The following HDAC1 variants were observed in gnomAD, a reference collection of about 807,000 sequenced individuals.
HDAC1 encodes the protein histone deacetylase 1, also known as protein deacetylase HDAC1.
A neutral mutation model predicts 65.5 loss-of-function variants in HDAC1; 18 were observed. That is an observed-to-expected ratio of 0.27 (90% confidence interval 0.19 to 0.41). The LOEUF (loss-of-function observed/expected upper bound fraction) is 0.41, where lower values mean the gene tolerates loss of function less well. HDAC1 is among the 10% of genes least tolerant of loss of function. The pLI, the probability that HDAC1 is intolerant of heterozygous loss-of-function variation, is 1.00. For missense variants in HDAC1, 373 were observed against 625.2 expected, an observed-to-expected ratio of 0.60 and a Z score of 4.30; for synonymous variants, 211 against 227.9, an observed-to-expected ratio of 0.93 and a Z score of 0.67.
In HDAC1 at chr1:32,327,118, G is replaced by C. The variant is rs537983690; in HGVS notation, c.494+41G>C. The C allele has an allele frequency of 8.7e-6, 14 of 1,605,286 alleles. No individual in the cohort carries two copies. In the South Asian group the frequency reaches 1.3e-4, roughly 15 times the overall value. On this transcript the variant is annotated intron_variant, in intron 5 of 13. Coordinates refer to ENST00000373548, the MANE Select transcript of HDAC1 (RefSeq NM_004964.3). The surrounding 1 kb of genome is among the most constrained non-coding windows in gnomAD (Gnocchi z 6.0). ...CTTGTCTCTTGGAAGAGCACCTTAG[G>C]CCAGGTTCCCATTTCCCTCTTCCCC...
intron 3 of HDAC1, among the ~76,000 whole-genome samples, chr1:32,317,546 G>A (rs552791349): frequency 2.0e-5 from 3 of 152,204 alleles, no homozygotes; most frequent in Admixed American, 6.5e-5. Context: ...TGCGGCACTT[G>A]TTTGTTGCTG....
rs1483594316 is a variant in HDAC1, at chr1:32,328,631, A to T, written c.637-437A>T. Among the ~76,000 whole-genome samples, 3 of 152,148 alleles carry T rather than the reference A, an allele frequency of 2.0e-5. 1 individual carries two copies. The highest frequency in any genetic ancestry group is 7.2e-5 in the African/African-American group (3 of 41,420). On this transcript the variant is annotated intron_variant, in intron 6 of 13. Coordinates refer to ENST00000373548, the MANE Select transcript of HDAC1 (RefSeq NM_004964.3). ...CACTATTTTGAGGTTACTGGGAAGG[A>T]CTTTCTTACCTCTCTCCTTCCCTCC...
chr1:32,315,412 G>C (rs896615342), intron 2 of HDAC1, among the ~76,000 whole-genome samples: 1 of 151,482 alleles, frequency 6.6e-6, no homozygotes, highest in African/African-American at 2.4e-5. Flanking sequence ...GAGTGCAGTG[G>C]CACAATCTCA....
At chr1:32,308,058 G>T (rs1342895073) in intron 2 of HDAC1, among the ~76,000 whole-genome samples, 2 of 152,216 alleles carry the variant, frequency 1.3e-5, no homozygotes, top group Non-Finnish European at 1.5e-5. Context: ...AGTGGCTCAC[G>T]CCTGTAATCC....
At chr1:32,326,643 A>T (rs1351339800) in intron 4 of HDAC1, among the ~76,000 whole-genome samples, 1 of 151,736 alleles carries the variant, frequency 6.6e-6, no homozygotes, top group Non-Finnish European at 1.5e-5. Flanking sequence ...TTTCTATGCT[A>T]TTTCATTAAA....
chr1:32,327,180 T>G lies in HDAC1; in HGVS notation c.494+103T>G, dbSNP rs1391833850. ...CCCTAGTTTGCTTTTCCTACCGATG[T>G]GCTGGCTAGGATGTGCTCGGTGAGT... On this transcript the variant is annotated intron_variant, in intron 5 of 13. Transcript: ENST00000373548. This position sits in a 1 kb window ranked among gnomAD's most constrained non-coding sequence, Gnocchi z 6.0. The G allele has an allele frequency of 4.2e-5, 51 of 1,205,168 alleles. No homozygotes were observed. Among genetic ancestry groups the G allele is most frequent in the Non-Finnish European group, 6.1e-5 (51 of 835,392 alleles). 74.7% of individuals were successfully genotyped at this position (1,205,168 alleles called of 1,614,324 possible).
chr1:32,317,072 C>A (rs896147566), intron 3 of HDAC1, among the ~76,000 whole-genome samples: 1 of 152,204 alleles, frequency 6.6e-6, no homozygotes, highest in African/African-American at 2.4e-5. Flanking sequence ...ACAATAGATA[C>A]AGTAAAATTT....
chr1:32,292,534 G>C, intron 1 of HDAC1: 1 of 630,850 alleles, frequency 1.6e-6, no homozygotes, highest in East Asian at 1.4e-4. Flanking sequence ...GGCTGAATCT[G>C]ATGGAGACGG....
intron 1 of HDAC1, among the ~76,000 whole-genome samples, chr1:32,298,676 T>C (rs1640805627): frequency 6.6e-6 from 1 of 152,204 alleles, no homozygotes; most frequent in Non-Finnish European, 1.5e-5. Flanking sequence ...GTTCCTATTA[T>C]GAGAACAATG....
intron 1 of HDAC1, among the ~76,000 whole-genome samples, chr1:32,297,775 T>TC: frequency 8.3e-6 from 1 of 120,646 alleles, no homozygotes; most frequent in Non-Finnish European, 1.7e-5. Flanking sequence ...TACGCCTGGC[T>TC]AATTTTTTTT....
At chr1:32,319,634 C>T (rs1641112879) in intron 3 of HDAC1, among the ~76,000 whole-genome samples, 1 of 152,034 alleles carries the variant, frequency 6.6e-6, no homozygotes, top group African/African-American at 2.4e-5. Flanking sequence ...TGGTAGCATG[C>T]ACCTGTAATG....
chr1:32,317,369 G>A (rs1237452370), intron 3 of HDAC1, among the ~76,000 whole-genome samples: 1 of 150,950 alleles, frequency 6.6e-6, no homozygotes, highest in Non-Finnish European at 1.5e-5. Context: ...CTGTGAGGGG[G>A]AAAAAAAAAG....
At chr1:32,304,867 CTT>C (rs1272028535) in intron 2 of HDAC1, among the ~76,000 whole-genome samples, 2 of 152,138 alleles carry the variant, frequency 1.3e-5, no homozygotes, top group East Asian at 3.9e-4. Context: ...CCCAGCCTCT[CTT>C]GGCTAATTCA....
chr1:32,301,166 G>C (rs1047659545), intron 1 of HDAC1, among the ~76,000 whole-genome samples: 2 of 151,952 alleles, frequency 1.3e-5, no homozygotes, highest in South Asian at 4.1e-4. Context: ...AAAGTCCTTG[G>C]CCGGGCGCGG....
chr1:32,306,639 A>G (rs543751605), intron 2 of HDAC1, among the ~76,000 whole-genome samples: 1 of 152,162 alleles, frequency 6.6e-6, no homozygotes, highest in East Asian at 1.9e-4. Context: ...CTAATTCACC[A>G]AGGTCTATGT....
chr1:32,296,658 C>T (rs573558598), intron 1 of HDAC1, among the ~76,000 whole-genome samples: 2 of 152,326 alleles, frequency 1.3e-5, no homozygotes, highest in African/African-American at 2.4e-5. Flanking sequence ...GGTTTACAGG[C>T]GTGAGCCATC....
Position 32,330,680 on chromosome 1 carries a change from A to G in HDAC1, c.832A>G (p.Ile278Val). The change falls in exon 8 of 14, where the codon ATC (isoleucine) becomes GTC (valine). Residue 278 changes from isoleucine (I) to valine (V), a missense_variant. Coordinates refer to ENST00000373548, the MANE Select transcript of HDAC1 (RefSeq NM_004964.3). This position sits in a 1 kb window ranked among gnomAD's most constrained non-coding sequence, Gnocchi z 4.2. ...TCGGTTAGGTTGCTTCAATCTAACT[A>G]TCAAAGGTGAGACCAGGTAGCACAA... is the stretch of plus-strand genomic sequence containing the variant. ...GDRLGCFNLT[I>V]KGHAKCVEFV... The G allele has an allele frequency of 1.2e-6, 2 of 1,613,854 alleles. No individual in the cohort carries two copies. Among genetic ancestry groups the G allele is most frequent in the Non-Finnish European group, 1.7e-6 (2 of 1,179,734 alleles).
chr1:32,318,319 G>T (rs1641092200), intron 3 of HDAC1, among the ~76,000 whole-genome samples: 1 of 152,234 alleles, frequency 6.6e-6, no homozygotes, highest in South Asian at 2.1e-4. Flanking sequence ...CACTTTGGGA[G>T]CCCAAGGTGG....
chr1:32,319,779 G>A (rs555756825), intron 3 of HDAC1, among the ~76,000 whole-genome samples: 2 of 152,214 alleles, frequency 1.3e-5, no homozygotes, highest in South Asian at 4.1e-4. Flanking sequence ...TGTGTATGGT[G>A]GCACATGCCT....
Sources: allele counts gnomAD v4.1 joint callset (sites outside exome capture counted in the v4.1 genomes callset), GRCh38; gene constraint gnomAD v4.1.1; non-coding constraint Gnocchi (gnomAD v3.1); transcripts MANE v1.5; gene names NCBI Gene and HGNC (gene_info 2026-07-23, HGNC 2026-07-21).